The following SMC2 variants were observed in gnomAD, a reference collection of about 807,000 sequenced individuals.
SMC2 encodes the protein structural maintenance of chromosomes 2, also known as structural maintenance of chromosomes protein 2.
In SMC2, 41 loss-of-function variants were observed where a neutral mutation model predicts 142.6. The observed-to-expected ratio is 0.29, with a 90% confidence interval of 0.22 to 0.37. The LOEUF is 0.37. Among genes scored for constraint, SMC2 ranks in the 10% least tolerant of loss-of-function variants. SMC2 has a pLI of 1.00. For missense variants in SMC2, 1,265 were observed against 1,373.7 expected, an observed-to-expected ratio of 0.92 and a Z score of 1.25; for synonymous variants, 463 against 457.5, an observed-to-expected ratio of 1.01 and a Z score of -0.15.
At chr9:104,094,520 C>CT (rs1830223372) in intron 1 of SMC2, 43 bp downstream of exon 1, 1 of 301,288 alleles carries the variant, frequency 3.3e-6, no homozygotes, top group Non-Finnish European at 5.6e-6. Flanking sequence ...CCGGGCCAGA[C>CT]TTCCTGGCGG....
chr9:104,093,611 A>C (rs1187480894), upstream of SMC2, among the ~76,000 whole-genome samples: 3 of 152,238 alleles, frequency 2.0e-5, no homozygotes, highest in Admixed American at 2.0e-4. Flanking sequence ...AGGTCGGCTT[A>C]TCATTACAAC....
intron 6 of SMC2, 22 bp from the exon 7 acceptor site, chr9:104,100,367 C>T (rs1297447681): frequency 1.3e-6 from 2 of 1,512,254 alleles, no homozygotes; most frequent in Non-Finnish European, 1.8e-6. Context: ...TGCGAAAATA[C>T]TGATTTTTCT....
chr9:104,101,934 T>C (rs772423763), intron 7 of SMC2, 26 bp from the exon 8 acceptor site: 23 of 1,395,904 alleles, frequency 1.6e-5, no homozygotes, highest in South Asian at 7.6e-5. Flanking sequence ...TTTTGAGTTA[T>C]TCTTTTTTTG....
At chr9:104,106,995 A>C (rs1267352405) in intron 9 of SMC2, among the ~76,000 whole-genome samples, 1 of 152,124 alleles carries the variant, frequency 6.6e-6, no homozygotes, top group Non-Finnish European at 1.5e-5. Context: ...ACATCTCAGA[A>C]TCTTAGGACC....
intron 1 of SMC2, 62 bp downstream of exon 1, chr9:104,094,539 AGGCGG>A: frequency 4.4e-6 from 1 of 225,550 alleles, no homozygotes; most frequent in Non-Finnish European, 7.6e-6. Flanking sequence ...GGGAGGCGGG[AGGCGG>A]GAGGCGGGGC....
In SMC2 at chr9:104,139,345, GTTTTTT is replaced by G; in HGVS notation, c.*32_*37del. 6.5e-7 allele frequency: 1 copy of G among 1,533,320 alleles called. No homozygotes were observed. The allele number at this position is 1,533,320 out of a possible 1,614,324, so 95.0% of individuals were successfully genotyped here. ...CAAAGTTATTTCTTCATCTTGACCT[GTTTTTT>G]TAAATGTAAACTTTTAAGGACTTGA... On this transcript the variant is annotated 3_prime_UTR_variant, in exon 25 of 25. Transcript: ENST00000374793.
intron 23 of SMC2, chr9:104,135,730 G>A (rs964859755): frequency 4.8e-6 from 2 of 415,214 alleles, no homozygotes; most frequent in African/African-American, 4.2e-5. Flanking sequence ...AAATAAAAAT[G>A]ACTTTAGACT....
At chr9:104,132,375 A>C (rs980206713) in intron 22 of SMC2, among the ~76,000 whole-genome samples, 1 of 152,174 alleles carries the variant, frequency 6.6e-6, no homozygotes, top group Non-Finnish European at 1.5e-5. Flanking sequence ...TCTCTTTTAC[A>C]GGATGCTTAT....
In SMC2 at chr9:104,096,089, GTGC is replaced by G; in HGVS notation, c.169-54_169-52del. 2.6e-6 allele frequency: 4 copies of G among 1,523,738 alleles called. No homozygotes were observed. The South Asian group carries it at 4.7e-5, about 18-fold the overall frequency. 94.4% of individuals were successfully genotyped at this position (1,523,738 alleles called of 1,614,324 possible). ...TCCAACAGCAAGGGACCCATTTTTA[GTGC>G]TGCTTTGTACGGTAGGGAGTTTTGT... On this transcript the variant is annotated intron_variant, in intron 2 of 24. Transcript: ENST00000374793.
intron 7 of SMC2, 125 bp downstream of exon 7, chr9:104,100,558 AGAGTTGG>A: frequency 4.8e-5 from 30 of 626,130 alleles, no homozygotes; most frequent in South Asian, 1.4e-4. Context: ...ATAAGGAATT[AGAGTTGG>A]CACTCCATAA....
chr9:104,114,417 T>C (rs1832845334), intron 12 of SMC2, among the ~76,000 whole-genome samples: 2 of 152,300 alleles, frequency 1.3e-5, no homozygotes, highest in South Asian at 4.1e-4. Flanking sequence ...GGGTTTTTTA[T>C]GGAATATTTA....
chr9:104,115,700 T>G (rs1162669045), intron 13 of SMC2, among the ~76,000 whole-genome samples: 1 of 152,196 alleles, frequency 6.6e-6, no homozygotes. Context: ...TTACCTTTTT[T>G]GTGTGTGACA....
intron 9 of SMC2, among the ~76,000 whole-genome samples, chr9:104,105,289 G>A (rs888626573): frequency 1.3e-5 from 2 of 152,154 alleles, no homozygotes; most frequent in Admixed American, 6.5e-5. Context: ...GATATGTAAC[G>A]GCATCCCCCA....
At chr9:104,118,752 T>A (rs1292431882) in intron 15 of SMC2, among the ~76,000 whole-genome samples, 1 of 152,224 alleles carries the variant, frequency 6.6e-6, no homozygotes, top group Non-Finnish European at 1.5e-5. Context: ...TGTGACTTTT[T>A]ACATTTAATT....
chr9:104,095,650 T>C, intron 2 of SMC2, 98 bp downstream of exon 2: 3 of 958,710 alleles, frequency 3.1e-6, no homozygotes, highest in Non-Finnish European at 3.2e-6. Flanking sequence ...TTTGTGTTTT[T>C]ATACTTTTTG....
rs1482257659 is a variant in SMC2 at position 104,095,391 on chromosome 9, A to G, written c.7A>G (p.Ile3Val). 1.9e-6 allele frequency: 3 copies of G among 1,612,534 alleles called. No homozygotes were observed. The highest frequency in any genetic ancestry group is 2.0e-4 in the Middle Eastern group (1 of 5,120). The change falls in exon 2 of 25, where the codon ATT becomes GTT. Residue 3 changes from isoleucine to valine, a missense_variant. By Grantham distance (29) the Ile-to-Val change is conservative. Coordinates refer to ENST00000374793, the MANE Select transcript of SMC2 (RefSeq NM_006444.3). ...ACCCAAGACAGTATCGAAAATGCAT[A>G]TTAAGTCAATTATTCTAGAGGGATT... MH[I>V]KSIILEGFKS... is the part of the protein sequence containing the mutation.
intron 9 of SMC2, among the ~76,000 whole-genome samples, chr9:104,108,498 CTG>C (rs2090372317): frequency 6.6e-6 from 1 of 152,176 alleles, no homozygotes; most frequent in South Asian, 2.1e-4. Context: ...GCCTCAGGCA[CTG>C]TCTGAGAACC....
Position 104,118,186 on chromosome 9 carries a change from G to T in SMC2, c.1807G>T (p.Val603Phe), listed in dbSNP as rs773792221. 2 of 1,613,730 alleles carry T rather than the reference G, an allele frequency of 1.2e-6. No individual in the cohort carries two copies. Among genetic ancestry groups the T allele is most frequent in the East Asian group, 4.5e-5 (2 of 44,860 alleles). ...TGTCCCACAGGTTGGCCCTGACAAC[G>T]TTCATGTGGCTCTTTCCTTGGTTGA... is the stretch of plus-strand genomic sequence containing the variant. ...VAQNLVGPDN[V>F]HVALSLVEYK... Residue 603 changes from valine (V) to phenylalanine (F), a missense_variant, in exon 15 of 25, where the codon GTT becomes TTT. Val to Phe is a conservative substitution (Grantham distance 50, BLOSUM62 -1). Around this residue, in one of 4 missense-constraint regions of SMC2, gnomAD observed 898 missense variants for 904.2 expected, o/e 0.99. Coordinates refer to ENST00000374793, the MANE Select transcript of SMC2 (RefSeq NM_006444.3).
intron 21 of SMC2, among the ~76,000 whole-genome samples, chr9:104,131,432 T>C (rs1834952102): frequency 6.6e-6 from 1 of 152,094 alleles, no homozygotes; most frequent in Non-Finnish European, 1.5e-5. Context: ...ACCTGGTTGA[T>C]TGGTGCAGCA....
Sources: gnomAD v4.1 joint callset for allele counts (sites outside exome capture counted in the v4.1 genomes callset) on GRCh38, gnomAD v4.1.1 for gene constraint, gnomAD v4.1.1 regional missense constraint, MANE v1.5 for transcripts, NCBI Gene and HGNC (gene_info 2026-07-23, HGNC 2026-07-21) for gene names.